The following SORCS2 variants were observed in gnomAD, a reference collection of about 807,000 sequenced individuals.
SORCS2 encodes sortilin related VPS10 domain containing receptor 2, also known as VPS10 domain-containing receptor SorCS2.
Under a neutral mutation model 141.6 loss-of-function variants are expected in SORCS2, and 100 were observed. That is an observed-to-expected ratio of 0.71 (90% CI 0.60 to 0.83). SORCS2 has a LOEUF of 0.83. SORCS2 is among the 40% of genes least tolerant of loss of function. The probability of loss-of-function intolerance (pLI) is 0.00; values close to 1 mark genes in which losing one functional copy is unlikely to be tolerated. For synonymous variants in SORCS2, 789 were observed against 676.9 expected, an observed-to-expected ratio of 1.17 and a Z score of -2.57; for missense variants, 1,646 against 1,560.2, an observed-to-expected ratio of 1.05 and a Z score of -0.93.
chr4:7,657,831 T>A (rs1721890789), intron 5 of SORCS2, among the ~76,000 whole-genome samples: 1 of 151,604 alleles, frequency 6.6e-6, no homozygotes, highest in African/African-American at 2.4e-5. Flanking sequence ...GGTGAGTCTG[T>A]GACTGAGTGA....
chr4:7,515,414 G>C (rs1324248858), intron 2 of SORCS2, among the ~76,000 whole-genome samples: 2 of 152,188 alleles, frequency 1.3e-5, no homozygotes, highest in East Asian at 3.9e-4. Flanking sequence ...ACTGGAGCAG[G>C]TCTGCGAGCT....
At chr4:7,626,516 C>A (rs1464472604) in intron 3 of SORCS2, among the ~76,000 whole-genome samples, 2 of 152,204 alleles carry the variant, frequency 1.3e-5, no homozygotes, top group East Asian at 3.8e-4. Context: ...ACCTTCCGGG[C>A]TGCTTCATGC....
At chr4:7,532,972 C>A (rs976180148) in intron 3 of SORCS2, among the ~76,000 whole-genome samples, 1 of 151,956 alleles carries the variant, frequency 6.6e-6, no homozygotes, top group East Asian at 1.9e-4. Flanking sequence ...CATGTCTCGG[C>A]GTGTAGGGAA....
chr4:7,696,399 G>A (rs1051446749), intron 11 of SORCS2, among the ~76,000 whole-genome samples: 10 of 152,216 alleles, frequency 6.6e-5, no homozygotes, highest in Non-Finnish European at 1.0e-4. Flanking sequence ...GGGTGGGCCA[G>A]GTGCAGCACC....
At chr4:7,681,184 C>T (rs1723504255) in intron 9 of SORCS2, among the ~76,000 whole-genome samples, 1 of 152,122 alleles carries the variant, frequency 6.6e-6, no homozygotes, top group Admixed American at 6.5e-5. Context: ...AATAGTGACC[C>T]CCTCAAAGAT....
At chr4:7,637,453 G>A (rs111966706) in intron 3 of SORCS2, among the ~76,000 whole-genome samples, 1 of 152,240 alleles carries the variant, frequency 6.6e-6, no homozygotes, top group South Asian at 2.1e-4. Context: ...ATTTTAGACA[G>A]GGTCTTTGAG....
At chr4:7,721,077 A>G (rs774826662) in intron 18 of SORCS2, among the ~76,000 whole-genome samples, 1 of 152,246 alleles carries the variant, frequency 6.6e-6, no homozygotes, top group Non-Finnish European at 1.5e-5. Context: ...CCAGAAACTC[A>G]AACCGCCCAG....
At chr4:7,374,196 T>TTTCC (rs1364054440) in intron 1 of SORCS2, among the ~76,000 whole-genome samples, 2 of 145,102 alleles carry the variant, frequency 1.4e-5, no homozygotes, top group African/African-American at 5.2e-5. Context: ...TCTTTCTTTC[T>TTTCC]TTTTTGCAGA....
At chr4:7,260,377 TC>T (rs1421628328) in intron 1 of SORCS2, among the ~76,000 whole-genome samples, 1 of 151,500 alleles carries the variant, frequency 6.6e-6, no homozygotes, top group Non-Finnish European at 1.5e-5. Context: ...CCAAGCCTCC[TC>T]CCACCTCCCC....
At chr4:7,361,439 G>A (rs1318494322) in intron 1 of SORCS2, among the ~76,000 whole-genome samples, 3 of 152,186 alleles carry the variant, frequency 2.0e-5, no homozygotes, top group Non-Finnish European at 2.9e-5. Context: ...GCTCCTCCTT[G>A]GGAGCACGAC....
At chr4:7,357,455 C>A (rs1048465550) in intron 1 of SORCS2, among the ~76,000 whole-genome samples, 2 of 152,158 alleles carry the variant, frequency 1.3e-5, no homozygotes, top group Admixed American at 6.5e-5. Flanking sequence ...GGCAGAGAAG[C>A]CTGGCTGCTG....
intron 22 of SORCS2, 132 bp downstream of exon 22, chr4:7,728,594 C>G: frequency 3.2e-6 from 2 of 625,156 alleles, no homozygotes; most frequent in Non-Finnish European, 5.5e-6. Flanking sequence ...CTCTGGTCTT[C>G]GGGCCAGCTG....
intron 3 of SORCS2, among the ~76,000 whole-genome samples, chr4:7,585,047 T>A (rs1460026453): frequency 6.6e-6 from 1 of 152,178 alleles, no homozygotes; most frequent in Admixed American, 6.5e-5. Context: ...AGCCGTTCTG[T>A]CTGACATGTC....
At chr4:7,282,325 G>T (rs190440125) in intron 1 of SORCS2, among the ~76,000 whole-genome samples, 1 of 152,196 alleles carries the variant, frequency 6.6e-6, no homozygotes, top group East Asian at 1.9e-4. Context: ...TTTAAGACAG[G>T]ATCTTTTCCT....
chr4:7,672,927 A>G (rs1365507399), intron 8 of SORCS2, among the ~76,000 whole-genome samples: 1 of 152,224 alleles, frequency 6.6e-6, no homozygotes, highest in Non-Finnish European at 1.5e-5. Context: ...AAGCAAACCT[A>G]ATTCTACCTA....
intron 1 of SORCS2, among the ~76,000 whole-genome samples, chr4:7,327,276 C>T (rs1427948370): frequency 6.6e-6 from 1 of 152,220 alleles, no homozygotes; most frequent in Non-Finnish European, 1.5e-5. Flanking sequence ...GGGGGAGGAT[C>T]CTCCTCACCT....
chr4:7,424,595 C>T (rs1450702117), intron 2 of SORCS2, among the ~76,000 whole-genome samples: 1 of 152,218 alleles, frequency 6.6e-6, no homozygotes, highest in Non-Finnish European at 1.5e-5. Flanking sequence ...CTCCTCACCT[C>T]CTCATGGTGG....
intron 4 of SORCS2, among the ~76,000 whole-genome samples, chr4:7,652,537 C>T (rs1721511660): frequency 6.6e-6 from 1 of 152,096 alleles, no homozygotes; most frequent in Non-Finnish European, 1.5e-5. Flanking sequence ...TAGGAGTGGG[C>T]TCCCTGAGTA....
At chr4:7,309,147 G>A (rs1432302602) in intron 1 of SORCS2, among the ~76,000 whole-genome samples, 3 of 152,208 alleles carry the variant, frequency 2.0e-5, no homozygotes, top group Non-Finnish European at 4.4e-5. Flanking sequence ...TAAATCACCG[G>A]GCGCACGCTG....
Sources: allele counts gnomAD v4.1 joint callset (sites outside exome capture counted in the v4.1 genomes callset), GRCh38; gene constraint gnomAD v4.1.1; transcripts MANE v1.5; gene names NCBI Gene and HGNC (gene_info 2026-07-23, HGNC 2026-07-21).